CADM1: variants seen among roughly 807,000 people sequenced by gnomAD.
CADM1 encodes the protein TSLC-1.
In CADM1, 15 loss-of-function variants were observed where a neutral mutation model predicts 53.1. The ratio of observed to expected loss-of-function variants is 0.28; its 90% CI spans 0.19 to 0.44. The LOEUF is 0.44. Among genes scored for constraint, CADM1 ranks in the 20% least tolerant of loss-of-function variants. The probability of loss-of-function intolerance (pLI) is 1.00; values close to 1 mark genes in which losing one functional copy is unlikely to be tolerated. For missense variants in CADM1, 434 were observed against 611.3 expected (o/e 0.71, Z 3.06); for synonymous variants, 281 against 243.0 (o/e 1.16, Z -1.45).
At chr11:115,341,277 G>T (rs1174450088) in intron 1 of CADM1, among the ~76,000 whole-genome samples, 1 of 152,092 alleles carries the variant, frequency 6.6e-6, no homozygotes, top group East Asian at 1.9e-4. Flanking sequence ...CAGTGACTAG[G>T]ATAAGCTTAT....
In CADM1 at chr11:115,223,559, G is replaced by T. The variant is rs1172607670; in HGVS notation, c.721+5554C>A. Among the ~76,000 whole-genome samples, 4 of 152,272 alleles carry T rather than the reference G, an allele frequency of 2.6e-5. No homozygotes were observed. The South Asian group carries it at 8.3e-4, about 32-fold the overall frequency. Reference sequence around the variant, plus strand: ...GTGAGATGAGAGGAGGTGGTTCTTAGTAAAACAGGCCTCTTTCTGCAGGGT... The same window carrying T: ...GTGAGATGAGAGGAGGTGGTTCTTATTAAAACAGGCCTCTTTCTGCAGGGT... On this transcript the variant is annotated intron_variant, in intron 5 of 11. Transcript: ENST00000331581.
At chr11:115,464,806 TA>T (rs1342606790) in intron 1 of CADM1, among the ~76,000 whole-genome samples, 1 of 152,230 alleles carries the variant, frequency 6.6e-6, no homozygotes, top group Admixed American at 6.5e-5. Flanking sequence ...TTATATGTAA[TA>T]CAGCCAGAAG....
intron 1 of CADM1, chr11:115,399,265 T>C (rs1228919962): frequency 6.6e-6 from 1 of 152,140 alleles, no homozygotes; most frequent in Non-Finnish European, 1.5e-5. Flanking sequence ...TTTATTCTTC[T>C]GTGCAATCTC....
At chr11:115,297,645 A>G (rs1040586274) in intron 1 of CADM1, among the ~76,000 whole-genome samples, 2 of 152,194 alleles carry the variant, frequency 1.3e-5, no homozygotes, top group Admixed American at 6.5e-5. Flanking sequence ...TTCAGCATCC[A>G]TTACTCTACT....
chr11:115,471,996 AG>A (rs1435465258), intron 1 of CADM1, among the ~76,000 whole-genome samples: 1 of 152,220 alleles, frequency 6.6e-6, no homozygotes, highest in Non-Finnish European at 1.5e-5. Flanking sequence ...GCAAGGGGAA[AG>A]AGGAGCTAGG....
chr11:115,374,312 C>A (rs1174205461), intron 1 of CADM1, among the ~76,000 whole-genome samples: 3 of 152,098 alleles, frequency 2.0e-5, no homozygotes, highest in Non-Finnish European at 4.4e-5. Context: ...GCATGTTTAA[C>A]CCTATAAATT....
chr11:115,471,906 T>C lies in CADM1; in HGVS notation c.124+32365A>G, dbSNP rs180750448. Among the ~76,000 whole-genome samples the C allele has an allele frequency of 3.3e-5, 5 of 152,256 alleles. No homozygotes were observed. In the East Asian group the frequency reaches 7.7e-4, roughly 23 times the overall value. On this transcript the variant is annotated intron_variant, in intron 1 of 11. Transcript: ENST00000331581. ...TTGGGTTGGGCATGCAAAGAGTTCATGTACAGAAGCTAGCAGGCATTAAAA... is the reference window on the plus strand; with the variant it reads ...TTGGGTTGGGCATGCAAAGAGTTCACGTACAGAAGCTAGCAGGCATTAAAA...
chr11:115,396,167 C>T (rs975619093), intron 1 of CADM1, among the ~76,000 whole-genome samples: 5 of 152,186 alleles, frequency 3.3e-5, no homozygotes, highest in Middle Eastern at 3.2e-3. Context: ...AAAGATGCCT[C>T]TCAGTTTGGC....
chr11:115,316,381 T>C (rs1359843052), intron 1 of CADM1, among the ~76,000 whole-genome samples: 1 of 152,110 alleles, frequency 6.6e-6, no homozygotes, highest in African/African-American at 2.4e-5. Context: ...CTGTTCACCT[T>C]GTTCAGCTTG....
At chr11:115,362,774 A>C (rs1946062195) in intron 1 of CADM1, among the ~76,000 whole-genome samples, 1 of 152,248 alleles carries the variant, frequency 6.6e-6, no homozygotes, top group African/African-American at 2.4e-5. Context: ...TAAAGCAATG[A>C]GGTTATTGAG....
chr11:115,344,849 A>G (rs1199249002), intron 1 of CADM1, among the ~76,000 whole-genome samples: 2 of 152,058 alleles, frequency 1.3e-5, no homozygotes. Flanking sequence ...GTCATCCTCA[A>G]TGTTTCCCCA....
At chr11:115,361,084 C>T (rs1295558601) in intron 1 of CADM1, among the ~76,000 whole-genome samples, 1 of 152,130 alleles carries the variant, frequency 6.6e-6, no homozygotes. Context: ...TTCTTGATCT[C>T]AAATTCTGCA....
Position 115,228,663 on chromosome 11 carries a change from C to T in CADM1, c.721+450G>A, listed in dbSNP as rs570960511. On this transcript the variant is annotated intron_variant, in intron 5 of 11. Transcript: ENST00000331581. ...GATTGTGGCAATGATCCCAAAGAGT[C>T]GACTTTTCAACTCATTGCTCTAATT... Among the ~76,000 whole-genome samples, 72 of 152,146 alleles carry T rather than the reference C, an allele frequency of 4.7e-4. No individual in the cohort carries two copies. The South Asian group carries it at 0.014, about 29-fold the overall frequency.
chr11:115,356,713 G>A (rs1945881112), intron 1 of CADM1, among the ~76,000 whole-genome samples: 1 of 152,112 alleles, frequency 6.6e-6, no homozygotes, highest in Non-Finnish European at 1.5e-5. Context: ...TAGTATATGA[G>A]AAATAACTAC....
At chr11:115,372,980 A>C (rs553377426) in intron 1 of CADM1, among the ~76,000 whole-genome samples, 1 of 152,332 alleles carries the variant, frequency 6.6e-6, no homozygotes, top group Admixed American at 6.5e-5. Context: ...TCTGCCTAAG[A>C]GGAAAGAAAA....
chr11:115,199,687 A>C (rs1156989634), intron 8 of CADM1, among the ~76,000 whole-genome samples: 1 of 152,188 alleles, frequency 6.6e-6, no homozygotes, highest in Non-Finnish European at 1.5e-5. Context: ...TTGAGTTCTA[A>C]ACTTCCCAGG....
At chr11:115,442,375 A>G (rs1361658615) in intron 1 of CADM1, among the ~76,000 whole-genome samples, 1 of 152,172 alleles carries the variant, frequency 6.6e-6, no homozygotes, top group African/African-American at 2.4e-5. Context: ...CAATTCTATG[A>G]CTGACCAATC....
At chr11:115,219,010 C>T (rs898967309) in intron 5 of CADM1, among the ~76,000 whole-genome samples, 1 of 151,974 alleles carries the variant, frequency 6.6e-6, no homozygotes, top group African/African-American at 2.4e-5. Context: ...GCTATTAATC[C>T]CTAAATCGGT....
Position 115,174,711 on chromosome 11 carries a change from C to T in CADM1, c.*1763G>A. On this transcript the variant is annotated 3_prime_UTR_variant, in exon 12 of 12. Coordinates refer to ENST00000331581, the MANE Select transcript of CADM1 (RefSeq NM_001301043.2). ...TAGTAAAAATGCACCTTGCAAAATC[C>T]AAAATTACTCACTGAAAATGTAATA... 3 of 928,338 alleles carry T rather than the reference C, an allele frequency of 3.2e-6. No homozygotes were observed. The highest frequency in any genetic ancestry group is 3.9e-6 in the Non-Finnish European group (3 of 777,784). 57.5% of individuals were successfully genotyped at this position (928,338 alleles called of 1,614,324 possible).
Sources: gnomAD v4.1 joint callset for allele counts (sites outside exome capture counted in the v4.1 genomes callset) on GRCh38, gnomAD v4.1.1 for gene constraint, MANE v1.5 for transcripts, NCBI Gene and HGNC (gene_info 2026-07-23, HGNC 2026-07-21) for gene names.